The following GORASP2 variants were observed in gnomAD, a reference collection of about 807,000 sequenced individuals.
GORASP2 encodes the protein Golgi reassembly-stacking protein 2.
A neutral mutation model predicts 45.7 loss-of-function variants in GORASP2; 22 were observed. That is an observed-to-expected ratio of 0.48 (90% confidence interval 0.34 to 0.69). The LOEUF is 0.69. GORASP2 is among the 30% of genes least tolerant of loss of function. The pLI, the probability that GORASP2 is intolerant of heterozygous loss-of-function variation, is 0.01. For missense variants in GORASP2, 491 were observed against 562.7 expected (o/e 0.87, Z 1.29); for synonymous variants, 221 against 215.6 (o/e 1.02, Z -0.22).
At chr2:170,930,661 T>TTC (rs1703800918) in intron 1 of GORASP2, among the ~76,000 whole-genome samples, 1 of 151,930 alleles carries the variant, frequency 6.6e-6, no homozygotes, top group African/African-American at 2.4e-5. Flanking sequence ...ATTTTTTTTT[T>TTC]CCCCGAAAGG....
At chr2:170,931,264 A>C (rs1013030199) in intron 1 of GORASP2, among the ~76,000 whole-genome samples, 5 of 152,244 alleles carry the variant, frequency 3.3e-5, no homozygotes, top group African/African-American at 1.2e-4. Context: ...AGAGAGCTTT[A>C]AAATAGTAAT....
At chr2:170,964,978 T>G (rs1160586170) in intron 9 of GORASP2, among the ~76,000 whole-genome samples, 1 of 138,406 alleles carries the variant, frequency 7.2e-6, no homozygotes, top group Non-Finnish European at 1.5e-5. Flanking sequence ...CTCATCTCAC[T>G]GCAACCTCTG....
At chr2:170,949,944 A>C in intron 3 of GORASP2, 1 of 567,028 alleles carries the variant, frequency 1.8e-6, no homozygotes. Flanking sequence ...CAAGTTTAAG[A>C]ACTTTTTCTA....
chr2:170,933,073 TTCTGAAGTGATCA>T (rs1427525739), intron 1 of GORASP2, among the ~76,000 whole-genome samples: 1 of 152,180 alleles, frequency 6.6e-6, no homozygotes, highest in Non-Finnish European at 1.5e-5. Context: ...TTTCTAGGAT[TTCTGAAGTGATCA>T]TTAAATACTT....
intron 2 of GORASP2, among the ~76,000 whole-genome samples, chr2:170,949,061 T>TG (rs1275764529): frequency 6.6e-6 from 1 of 152,190 alleles, no homozygotes; most frequent in East Asian, 1.9e-4. Context: ...AAGGCCAACA[T>TG]CTGGCCTTTA....
rs753904305 is a variant in GORASP2 at position 170,966,020 on chromosome 2, C to T, written c.1249C>T (p.Pro417Ser). The T allele has an allele frequency of 1.9e-6, 3 of 1,613,784 alleles. No homozygotes were observed. The highest frequency in any genetic ancestry group is 1.6e-4 in the Middle Eastern group (1 of 6,062). The part of the protein sequence containing the change: ...ASSLTVDVTP[P>S]TAKAPTTVED... ...CTCACTCACTGTGGATGTGACGCCC[C>T]CCACTGCCAAGGCCCCCACCACCGT... Residue 417 changes from proline to serine, a missense_variant, in exon 10 of 10, where the codon CCC becomes TCC. By Grantham distance (74) the Pro-to-Ser change is moderately conservative. Around this residue, in one of 2 missense-constraint regions of GORASP2, gnomAD observed 297 missense variants for 292.3 expected, o/e 1.02. Coordinates refer to ENST00000234160, the MANE Select transcript of GORASP2 (RefSeq NM_015530.5).
At chr2:170,937,245 G>T (rs1364301078) in intron 1 of GORASP2, among the ~76,000 whole-genome samples, 2 of 152,170 alleles carry the variant, frequency 1.3e-5, no homozygotes, top group East Asian at 3.9e-4. Context: ...GTTTTGCTCT[G>T]TTGCCCAGGC....
At chr2:170,932,656 T>TA (rs966154276) in intron 1 of GORASP2, among the ~76,000 whole-genome samples, 3 of 152,200 alleles carry the variant, frequency 2.0e-5, no homozygotes, top group African/African-American at 4.8e-5. Context: ...TTGGATGTGG[T>TA]AAAAAAGTAC....
At chr2:170,953,404 G>A (rs1704347999) in intron 5 of GORASP2, among the ~76,000 whole-genome samples, 1 of 151,920 alleles carries the variant, frequency 6.6e-6, no homozygotes, top group Non-Finnish European at 1.5e-5. Context: ...GGCTGAAGTT[G>A]GCTACTGCCT....
intron 8 of GORASP2, among the ~76,000 whole-genome samples, chr2:170,962,488 C>G (rs1328683102): frequency 6.6e-6 from 1 of 152,178 alleles, no homozygotes; most frequent in Non-Finnish European, 1.5e-5. Flanking sequence ...CCTCAACCAT[C>G]AAAGAAAAAT....
intron 1 of GORASP2, chr2:170,936,604 G>T: frequency 7.8e-7 from 1 of 1,287,990 alleles, no homozygotes; most frequent in Non-Finnish European, 1.0e-6. Context: ...TTATTCTGGG[G>T]TTTTGTTCTC....
chr2:170,959,394 C>T (rs979119108), intron 7 of GORASP2, among the ~76,000 whole-genome samples: 2 of 152,200 alleles, frequency 1.3e-5, no homozygotes, highest in Non-Finnish European at 2.9e-5. Flanking sequence ...GCACGGAGCT[C>T]CCTGGCTTAT....
Position 170,956,488 on chromosome 2 carries a change from G to C in GORASP2, c.752G>C (p.Gly251Ala), listed in dbSNP as rs1444152035. 2.5e-6 allele frequency: 4 copies of C among 1,613,142 alleles called. No individual in the cohort carries two copies. Among genetic ancestry groups the C allele is most frequent in the African/African-American group, 2.7e-5 (2 of 74,846 alleles). The change falls in exon 7 of 10, where the codon GGA (glycine) becomes GCA (alanine). Residue 251 changes from glycine (G) to alanine (A), a missense_variant. Gly to Ala is a moderately conservative substitution (Grantham distance 60). Coordinates refer to ENST00000234160, the MANE Select transcript of GORASP2 (RefSeq NM_015530.5). ...TCTTTGTCACCACCAGGAACTACAG[G>C]AATTGAACAGAGTCTGACTGGACTT... ...PPSLSPPGTT[G>A]IEQSLTGLSI...
intron 1 of GORASP2, among the ~76,000 whole-genome samples, chr2:170,930,743 C>G (rs957276614): frequency 4.6e-5 from 7 of 152,046 alleles, no homozygotes; most frequent in East Asian, 1.9e-4. Flanking sequence ...AAGAGCCACA[C>G]TGAGAGAGGA....
chr2:170,937,142 A>G (rs1346937749), intron 1 of GORASP2, among the ~76,000 whole-genome samples: 1 of 151,724 alleles, frequency 6.6e-6, no homozygotes, highest in Non-Finnish European at 1.5e-5. Context: ...CTGGAGGTGG[A>G]GGTTGCAGTG....
At chr2:170,958,761 T>C (rs915726288) in intron 7 of GORASP2, among the ~76,000 whole-genome samples, 1 of 149,890 alleles carries the variant, frequency 6.7e-6, no homozygotes, top group Non-Finnish European at 1.5e-5. Context: ...GGCTCCCAGG[T>C]TCAAGCAGTT....
At chr2:170,947,991 C>T (rs1452380474) in intron 1 of GORASP2, among the ~76,000 whole-genome samples, 2 of 152,008 alleles carry the variant, frequency 1.3e-5, no homozygotes, top group African/African-American at 2.4e-5. Flanking sequence ...CATGGTGGTA[C>T]GCACCTATAG....
intron 1 of GORASP2, among the ~76,000 whole-genome samples, chr2:170,935,143 G>A (rs1158423242): frequency 6.6e-6 from 1 of 152,146 alleles, no homozygotes; most frequent in Non-Finnish European, 1.5e-5. Flanking sequence ...TTGAAGCCAT[G>A]GAATACAATG....
chr2:170,929,977 C>T lies in GORASP2; in HGVS notation c.63+574C>T, dbSNP rs1037347826. ...CGGACTTAAACAGACTTGATTTTGA[C>T]CAGACTTTTCCTTTCCCGTGCCACT... On this transcript the variant is annotated intron_variant, in intron 1 of 9. Transcript: ENST00000234160. The T allele has an allele frequency of 8.9e-6, 3 of 336,548 alleles. No homozygotes were observed. In the Admixed American group the frequency reaches 1.2e-4, roughly 14 times the overall value. 20.8% of individuals were successfully genotyped at this position (336,548 alleles called of 1,614,324 possible).
Sources: allele counts gnomAD v4.1 joint callset (sites outside exome capture counted in the v4.1 genomes callset), GRCh38; gene constraint gnomAD v4.1.1; regional missense constraint gnomAD v4.1.1; transcripts MANE v1.5; gene names NCBI Gene and HGNC (gene_info 2026-07-23, HGNC 2026-07-21).